The following FITM1 variants were observed in gnomAD, a reference collection of about 807,000 sequenced individuals.
The protein encoded by FITM1 is fat storage-inducing transmembrane protein 1.
A neutral mutation model predicts 22.2 loss-of-function variants in FITM1; 11 were observed. The ratio of observed to expected loss-of-function variants is 0.50; its 90% confidence interval spans 0.31 to 0.82. The LOEUF (loss-of-function observed/expected upper bound fraction) is 0.82. Ranked by LOEUF, FITM1 falls within the 40% of genes least tolerant of loss-of-function variation. The pLI is 0.04. For synonymous variants in FITM1, 164 were observed against 174.0 expected (o/e 0.94, Z 0.45); for missense variants, 394 against 386.4 (o/e 1.02, Z -0.17).
chr14:24,132,353 G>A lies in FITM1; in HGVS notation c.409G>A (p.Gly137Arg). ...GGTAGTAGGGGCAGCCGTGTGGCGG[G>A]GAGCCGGCCGGGCCTTCCTGCTCAT... ...RLVVGAAVWR[G>R]AGRAFLLIED... Residue 137 changes from glycine to arginine, a missense_variant, in exon 2 of 2, where the codon GGA (glycine) becomes AGA (arginine). Transcript: ENST00000267426. 1.2e-6 allele frequency: 2 copies of A among 1,613,948 alleles called. No homozygotes were observed. The highest frequency in any genetic ancestry group is 1.7e-6 in the Non-Finnish European group (2 of 1,179,998).
Position 24,132,661 on chromosome 14 carries a change from C to T in FITM1, c.717C>T (p.Thr239=), listed in dbSNP as rs556012970. ...LGLWNFLLLC[T]VIYFHQYTHK... is the part of the protein sequence containing the mutation. The stretch of plus-strand genomic sequence containing the variant: ...TCTGGAACTTCTTGCTGCTCTGTAC[C>T]GTCATCTATTTCCACCAGTACACTC... Residue 239 remains threonine (T), a synonymous_variant, in exon 2 of 2, where the codon ACC becomes ACT. Coordinates refer to ENST00000267426, the MANE Select transcript of FITM1 (RefSeq NM_203402.3). The T allele has an allele frequency of 5.0e-6, 8 of 1,613,846 alleles. No homozygotes were observed. The highest frequency in any genetic ancestry group is 2.7e-5 in the African/African-American group (2 of 75,046).
Position 24,131,380 on chromosome 14 carries a change from C to A in FITM1, c.-184C>A, listed in dbSNP as rs748780635. 2 of 707,270 alleles carry A rather than the reference C, an allele frequency of 2.8e-6. No individual in the cohort carries two copies. Among genetic ancestry groups the A allele is most frequent in the South Asian group, 3.0e-5 (2 of 66,792 alleles). The allele number at this position is 707,270 out of a possible 1,614,324, so 43.8% of individuals were successfully genotyped here. A position where few individuals can be genotyped will look rare whatever the true frequency, so the allele number is the denominator to read the frequency against. On this transcript the variant is annotated 5_prime_UTR_variant, in exon 1 of 2. Coordinates refer to ENST00000267426, the MANE Select transcript of FITM1 (RefSeq NM_203402.3). ...ACACCCGAGGCCAGGACCCTGCTGACGTGGCAGACCTCCACCCTGGCCCCT... is the reference window on the plus strand; with the variant it reads ...ACACCCGAGGCCAGGACCCTGCTGAAGTGGCAGACCTCCACCCTGGCCCCT...
Position 24,132,589 on chromosome 14 carries a change from C to T in FITM1, c.645C>T (p.Gly215=), listed in dbSNP as rs769487798. The T allele has an allele frequency of 1.1e-5, 17 of 1,610,124 alleles. No homozygotes were observed. In the African/African-American group the frequency reaches 1.3e-4, roughly 13 times the overall value. Residue 215 remains glycine (G), a synonymous_variant, in exon 2 of 2, where the codon GGC becomes GGT. Transcript: ENST00000267426. ...ACCTGGCCCATGGGCTTCCTGCCGG[C>T]GCCCCACTGCGCCTTGTCTTCCTGC... ...AKYLAHGLPA[G]APLRLVFLLN... is the part of the protein sequence containing the mutation.
Position 24,130,720 on chromosome 14 carries a change from G to T in FITM1, c.-844G>T, listed in dbSNP as rs1179214904. Among the ~76,000 whole-genome samples the T allele has an allele frequency of 6.6e-6, 1 of 152,236 alleles. No homozygotes were observed. The highest frequency in any genetic ancestry group is 1.5e-5 in the Non-Finnish European group (1 of 68,036). ...CTGGGAGGGCAGGCTTATATGGAGA[G>T]CCCTGAGGCCCAGGGTAGTTGGTTG... On this transcript the variant is annotated 5_prime_UTR_variant, in exon 1 of 2. Coordinates refer to ENST00000267426, the MANE Select transcript of FITM1 (RefSeq NM_203402.3).
Position 24,131,196 on chromosome 14 carries a change from A to C in FITM1, c.-368A>C. The C allele has an allele frequency of 1.9e-6, 1 of 540,024 alleles. No homozygotes were observed. Among genetic ancestry groups the C allele is most frequent in the Non-Finnish European group, 3.3e-6 (1 of 303,270 alleles). 33.5% of individuals were successfully genotyped at this position (540,024 alleles called of 1,614,324 possible). On this transcript the variant is annotated 5_prime_UTR_variant, in exon 1 of 2. An upstream start codon of the reference 5' UTR is lost. Transcript: ENST00000267426. ...GACCTCTGATTTCCCTGTGGAGCAA[A>C]TGGTAAAGTAGGGGTGGGTGGAGAG...
In FITM1 at chr14:24,132,655, C is replaced by G; in HGVS notation, c.711C>G (p.Leu237=). 1 of 1,613,822 alleles carries G rather than the reference C, an allele frequency of 6.2e-7. No homozygotes were observed. The highest frequency in any genetic ancestry group is 1.6e-4 in the Middle Eastern group (1 of 6,062). The change falls in exon 2 of 2, where the codon CTC becomes CTG. Residue 237 remains leucine, a synonymous_variant. Coordinates refer to ENST00000267426, the MANE Select transcript of FITM1 (RefSeq NM_203402.3). ...LLLGLWNFLL[L]CTVIYFHQYT... Reference sequence around the variant, plus strand: ...TGGGCCTCTGGAACTTCTTGCTGCTCTGTACCGTCATCTATTTCCACCAGT... The same window carrying G: ...TGGGCCTCTGGAACTTCTTGCTGCTGTGTACCGTCATCTATTTCCACCAGT...
rs576553187 is a variant in FITM1, at chr14:24,131,591, G to A, written c.28G>A (p.Gly10Arg). The change falls in exon 1 of 2, where the codon GGA (glycine) becomes AGA (arginine). Residue 10 changes from glycine to arginine, a missense_variant. By Grantham distance (125) the Gly-to-Arg change is moderately radical. Coordinates refer to ENST00000267426, the MANE Select transcript of FITM1 (RefSeq NM_203402.3). ...GGAGCGGGGGCCGGTGGTGGGGGCA[G>A]GACTGGGGGCCGGGGCCCGAATCCA... MERGPVVGA[G>R]LGAGARIQAL... 9.4e-6 allele frequency: 15 copies of A among 1,602,638 alleles called. No individual in the cohort carries two copies. In the South Asian group the frequency reaches 1.6e-4, roughly 17 times the overall value.
chr14:24,131,156 T>C lies in FITM1; in HGVS notation c.-408T>C. 1.9e-6 allele frequency: 1 copy of C among 527,636 alleles called. No homozygotes were observed. Among genetic ancestry groups the C allele is most frequent in the South Asian group, 3.0e-5 (1 of 33,794 alleles). The allele number at this position is 527,636 out of a possible 1,614,324, so 32.7% of individuals were successfully genotyped here. On this transcript the variant is annotated 5_prime_UTR_variant, in exon 1 of 2. Coordinates refer to ENST00000267426, the MANE Select transcript of FITM1 (RefSeq NM_203402.3). ...TAAAAAACGACTTTCAAGGTTTGGT[T>C]ATTTTTATCTCCATGACCTCTGATT...
rs2037817218 is a variant in FITM1 at position 24,130,942 on chromosome 14, T to C, written c.-622T>C. Among the ~76,000 whole-genome samples, 1 of 152,204 alleles carries C rather than the reference T, an allele frequency of 6.6e-6. No homozygotes were observed. The highest frequency in any genetic ancestry group is 2.4e-5 in the African/African-American group (1 of 41,448). On this transcript the variant is annotated 5_prime_UTR_variant, in exon 1 of 2. An upstream open reading frame in the 5' UTR loses its in-frame stop. Transcript: ENST00000267426. ...AGAGACCCTCAATCCAGACAGGAAC[T>C]AGGGCAGAGCCAAGCTGCTGGGGTC...
chr14:24,132,750 A>G lies in FITM1; in HGVS notation c.806A>G (p.His269Arg), dbSNP rs1245492042. Residue 269 changes from histidine to arginine, a missense_variant, in exon 2 of 2, where the codon CAT (histidine) becomes CGT (arginine). Physicochemically the swap from His to Arg is conservative, Grantham distance 29. Transcript: ENST00000267426. ...TACCTCACCTATGGCAGCTGGTATC[A>G]TCAGCCCTGGTCTCCAGGGAGCCCA... ...AWYLTYGSWY[H>R]QPWSPGSPGH... The G allele has an allele frequency of 6.2e-7, 1 of 1,613,746 alleles. No individual in the cohort carries two copies. Among genetic ancestry groups the G allele is most frequent in the African/African-American group, 1.3e-5 (1 of 75,024 alleles).
rs201965049 is a variant in FITM1 at position 24,131,724 on chromosome 14, G to A, written c.161G>A (p.Arg54His). 7.1e-5 allele frequency: 115 copies of A among 1,614,162 alleles called. No individual in the cohort carries two copies. The African/African-American group carries it at 8.8e-4, about 12-fold the overall frequency. ...ARLLGSPCLR[R>H]LYHAWLAAVV... ...CTTCTGGGCAGCCCCTGCTTACGGC[G>A]CCTCTACCATGCCTGGCTGGCAGCA... The change falls in exon 1 of 2, where the codon CGC becomes CAC. Residue 54 changes from arginine (R) to histidine (H), a missense_variant. By Grantham distance (29) the Arg-to-His change is conservative. Coordinates refer to ENST00000267426, the MANE Select transcript of FITM1 (RefSeq NM_203402.3).
Position 24,132,379 on chromosome 14 carries a change from C to A in FITM1, c.435C>A (p.Ile145=). ...GAGCCGGCCGGGCCTTCCTGCTCAT[C>A]GAGGACCTGACTGGCTCCTGCTTCG... The part of the protein sequence containing the change: ...WRGAGRAFLL[I]EDLTGSCFEP... Residue 145 remains isoleucine (I), a synonymous_variant, in exon 2 of 2, where the codon ATC becomes ATA. Transcript: ENST00000267426. The A allele has an allele frequency of 1.9e-6, 3 of 1,613,338 alleles. No homozygotes were observed. The South Asian group carries it at 3.3e-5, about 18-fold the overall frequency.
In FITM1 at chr14:24,131,791, T is replaced by A. The variant is rs2139034906; in HGVS notation, c.228T>A (p.Pro76=). 2 of 1,607,458 alleles carry A rather than the reference T, an allele frequency of 1.2e-6. No individual in the cohort carries two copies. Among genetic ancestry groups the A allele is most frequent in the South Asian group, 2.2e-5 (2 of 90,440 alleles). The stretch of plus-strand genomic sequence containing the variant: ...CGCTTCTGCAGTTCCATGTCAACCC[T>A]CGGACTATCTTCGCCAGCCACGGCA... ...FGPLLQFHVN[P]RTIFASHGNF... Residue 76 remains proline (P), a synonymous_variant, in exon 1 of 2, where the codon CCT becomes CCA. Coordinates refer to ENST00000267426, the MANE Select transcript of FITM1 (RefSeq NM_203402.3).
At chr14:24,132,141 G>A in intron 1 of FITM1, 70 bp from the exon 2 acceptor site, 1 of 1,577,240 alleles carries the variant, frequency 6.3e-7, no homozygotes, top group South Asian at 1.2e-5. Flanking sequence ...GGAGAGTGCA[G>A]TGATGGGAGC....
Position 24,132,718 on chromosome 14 carries a change from T to A in FITM1, c.774T>A (p.Phe258Leu), listed in dbSNP as rs1232931155. ...HKVVGAAVGTFAWYLTYGSWY... is the reference protein window; with the variant it reads ...HKVVGAAVGTLAWYLTYGSWY... ...TGGTGGGCGCCGCAGTGGGCACCTT[T>A]GCCTGGTACCTCACCTATGGCAGCT... The change falls in exon 2 of 2, where the codon TTT (phenylalanine) becomes TTA (leucine). Residue 258 changes from phenylalanine (F) to leucine (L), a missense_variant. Phe to Leu is a conservative substitution (Grantham distance 22). Coordinates refer to ENST00000267426, the MANE Select transcript of FITM1 (RefSeq NM_203402.3). The A allele has an allele frequency of 6.2e-7, 1 of 1,613,966 alleles. No individual in the cohort carries two copies. The highest frequency in any genetic ancestry group is 2.2e-5 in the East Asian group (1 of 44,894).
At position 24,131,563 on chromosome 14, in the gene FITM1, C is replaced by T; in HGVS notation, c.-1C>T. 6.4e-7 allele frequency: 1 copy of T among 1,564,786 alleles called. No homozygotes were observed. The highest frequency in any genetic ancestry group is 8.7e-7 in the Non-Finnish European group (1 of 1,155,386). ...AGCAGTTAGTGGGGAGGGGAGGGAACATGGAGCGGGGGCCGGTGGTGGGGG... is the reference window on the plus strand; with the variant it reads ...AGCAGTTAGTGGGGAGGGGAGGGAATATGGAGCGGGGGCCGGTGGTGGGGG... On this transcript the variant is annotated 5_prime_UTR_variant, in exon 1 of 2. Transcript: ENST00000267426.
Position 24,131,146 on chromosome 14 carries a change from A to C in FITM1, c.-418A>C. On this transcript the variant is annotated 5_prime_UTR_variant, in exon 1 of 2. Coordinates refer to ENST00000267426, the MANE Select transcript of FITM1 (RefSeq NM_203402.3). The stretch of plus-strand genomic sequence containing the variant: ...CAGCTTTTTTTAAAAAACGACTTTC[A>C]AGGTTTGGTTATTTTTATCTCCATG... The C allele has an allele frequency of 7.7e-6, 4 of 522,102 alleles. No homozygotes were observed. The highest frequency in any genetic ancestry group is 6.1e-5 in the South Asian group (2 of 32,624). The allele number at this position is 522,102 out of a possible 1,614,324, so 32.3% of individuals were successfully genotyped here.
In FITM1 at chr14:24,131,400, G is replaced by A. The variant is rs1255637981; in HGVS notation, c.-164G>A. ...GCTGACGTGGCAGACCTCCACCCTG[G>A]CCCCTTACTGCCCCCCGCCCCTCTC... On this transcript the variant is annotated 5_prime_UTR_variant, in exon 1 of 2. Transcript: ENST00000267426. The A allele has an allele frequency of 1.4e-6, 1 of 737,400 alleles. No individual in the cohort carries two copies. The highest frequency in any genetic ancestry group is 2.0e-5 in the Admixed American group (1 of 49,840). The allele number at this position is 737,400 out of a possible 1,614,324, so 45.7% of individuals were successfully genotyped here.
rs575266836 is a variant in FITM1, at chr14:24,132,794, C to A, written c.850C>A (p.Arg284Ser). ...GAGCCCAGGCCATGGGCTCTTCCCC[C>A]GTCCCCACTCCAGCCGCAAGCATAA... is the stretch of plus-strand genomic sequence containing the variant. The part of the protein sequence containing the change: ...PGSPGHGLFP[R>S]PHSSRKHN The change falls in exon 2 of 2, where the codon CGT becomes AGT. Residue 284 changes from arginine to serine, a missense_variant. Arg to Ser is a moderately radical substitution (Grantham distance 110, BLOSUM62 -1). Transcript: ENST00000267426. 1.9e-5 allele frequency: 30 copies of A among 1,611,596 alleles called. No individual in the cohort carries two copies. Among genetic ancestry groups the A allele is most frequent in the Middle Eastern group, 3.3e-4 (2 of 6,076 alleles).
Sources: allele counts gnomAD v4.1 joint callset (sites outside exome capture counted in the v4.1 genomes callset), GRCh38; gene constraint gnomAD v4.1.1; transcripts MANE v1.5; gene names NCBI Gene and HGNC (gene_info 2026-07-23, HGNC 2026-07-21).